UNC79: variants seen among roughly 807,000 people sequenced by gnomAD.
The protein encoded by UNC79 is protein unc-79 homolog.
In UNC79, 37 loss-of-function variants were observed where a neutral mutation model predicts 283.1. The observed-to-expected ratio is 0.13, with a 90% CI of 0.10 to 0.17. The LOEUF (loss-of-function observed/expected upper bound fraction) is 0.17, where lower values mean the gene tolerates loss of function less well. UNC79 is among the 10% of genes least tolerant of loss of function. UNC79 has a pLI of 1.00. For missense variants in UNC79, 2,272 were observed against 3,211.1 expected, an observed-to-expected ratio of 0.71 and a Z score of 7.07; for synonymous variants, 1,107 against 1,200.2, an observed-to-expected ratio of 0.92 and a Z score of 1.61.
intron 12 of UNC79, among the ~76,000 whole-genome samples, chr14:93,539,487 C>G (rs1257374626): frequency 6.6e-6 from 1 of 151,464 alleles, no homozygotes; most frequent in Admixed American, 6.6e-5. Flanking sequence ...CGCCACTGCA[C>G]TCCAGCCTGG....
chr14:93,658,238 T>C (rs1342100888), intron 38 of UNC79, among the ~76,000 whole-genome samples: 1 of 152,214 alleles, frequency 6.6e-6, no homozygotes, highest in Non-Finnish European at 1.5e-5. Context: ...TAGTTTGTTT[T>C]CATCAGTTTA....
intron 1 of UNC79, among the ~76,000 whole-genome samples, chr14:93,444,287 G>T (rs571828043): frequency 1.2e-3 from 185 of 151,968 alleles, no homozygotes; most frequent in Non-Finnish European, 1.8e-3. Context: ...ATTTTTATTG[G>T]TTTTTTTGAT....
chr14:93,581,484 CTTTTTTTT>C (rs569060513), intron 19 of UNC79, among the ~76,000 whole-genome samples: 1 of 100,648 alleles, frequency 9.9e-6, no homozygotes, highest in African/African-American at 4.6e-5. Context: ...GTATTTGCAT[CTTTTTTTT>C]TTTTTTTTTT....
intron 1 of UNC79, among the ~76,000 whole-genome samples, chr14:93,342,418 G>T (rs1029795238): frequency 1.3e-5 from 2 of 152,180 alleles, no homozygotes; most frequent in Non-Finnish European, 2.9e-5. Flanking sequence ...GAGAAACAGG[G>T]TCCTGGGCCC....
intron 14 of UNC79, among the ~76,000 whole-genome samples, chr14:93,566,866 C>T (rs1420205385): frequency 6.6e-6 from 1 of 152,102 alleles, no homozygotes; most frequent in Non-Finnish European, 1.5e-5. Context: ...ATCTGCCCAC[C>T]TTGGCCTCCC....
rs572685192 is a variant in UNC79 at position 93,690,795 on chromosome 14, A to T, written c.7272+492A>T. ...ACATTGGCATGACCTACACAGGGGA[A>T]CTTTGTAAATTGCAGAGACAGGTGA... On this transcript the variant is annotated intron_variant, in intron 45 of 48. Coordinates refer to ENST00000555664, the Ensembl canonical transcript of UNC79. This position sits in a 1 kb window ranked among gnomAD's most constrained non-coding sequence, Gnocchi z 4.3. 1 of 156,536 alleles carries T rather than the reference A, an allele frequency of 6.4e-6. No homozygotes were observed. The highest frequency in any genetic ancestry group is 1.9e-4 in the East Asian group (1 of 5,262). The allele number at this position is 156,536 out of a possible 1,614,324, so 9.7% of individuals were successfully genotyped here. A position where few individuals can be genotyped will look rare whatever the true frequency, so the allele number is the denominator to read the frequency against.
At chr14:93,686,482 C>G in intron 42 of UNC79, 90 bp from the exon 46 acceptor site, 2 of 1,379,928 alleles carry the variant, frequency 1.4e-6, no homozygotes, top group Non-Finnish European at 2.0e-6. Context: ...TAAAACGACT[C>G]CTTAGTAAAC....
In UNC79 at chr14:93,617,072, G is replaced by C; in HGVS notation, c.4042-50G>C. ...GCTCAAATTTTTCCTTTTGACCTCT[G>C]AGTGTTCTTTGTAGTTTTCCATCAG... On this transcript the variant is annotated intron_variant, in intron 27 of 48. Coordinates refer to ENST00000555664, the Ensembl canonical transcript of UNC79. The surrounding 1 kb of genome is among the most constrained non-coding windows in gnomAD (Gnocchi z 4.5). The C allele has an allele frequency of 6.5e-7, 1 of 1,534,610 alleles. No individual in the cohort carries two copies. The highest frequency in any genetic ancestry group is 8.8e-7 in the Non-Finnish European group (1 of 1,133,212).
At chr14:93,663,529 A>G (rs1203632161) in intron 40 of UNC79, among the ~76,000 whole-genome samples, 5 of 152,040 alleles carry the variant, frequency 3.3e-5, no homozygotes, top group Admixed American at 1.3e-4. Flanking sequence ...TAAGCCCTTT[A>G]TTTTCCTCAT....
At chr14:93,357,246 A>G (rs1382646992) in intron 1 of UNC79, among the ~76,000 whole-genome samples, 2 of 152,120 alleles carry the variant, frequency 1.3e-5, no homozygotes, top group African/African-American at 4.8e-5. Context: ...CATGGTGTTT[A>G]TATGCCACAT....
intron 43 of UNC79, among the ~76,000 whole-genome samples, chr14:93,686,989 A>G (rs2074290338): frequency 6.6e-6 from 1 of 152,202 alleles, no homozygotes; most frequent in South Asian, 2.1e-4. Context: ...TGCTCAAGTC[A>G]CACTACTAAG....
At chr14:93,622,446 G>A (rs755878812) in exon 30 of UNC79, 2 of 1,614,158 alleles carry the variant, frequency 1.2e-6, no homozygotes, top group South Asian at 1.1e-5. Context: ...TTCTCCTGCG[G>A]TAGCCCACTG....
At chr14:93,615,986 T>A (rs1329671154) in intron 27 of UNC79, among the ~76,000 whole-genome samples, 3 of 152,240 alleles carry the variant, frequency 2.0e-5, no homozygotes, top group Non-Finnish European at 2.9e-5. Flanking sequence ...GCCACCTTTT[T>A]AAAATTTTTT....
intron 1 of UNC79, among the ~76,000 whole-genome samples, chr14:93,371,071 A>C (rs7153401): frequency 0.71 from 107,401 of 151,990 alleles, 38,431 homozygotes; most frequent in Middle Eastern, 0.78. Context: ...AAAAACCAAA[A>C]CAAAACAAAA....
intron 1 of UNC79, among the ~76,000 whole-genome samples, chr14:93,464,759 C>T (rs2057097568): frequency 6.6e-6 from 1 of 152,096 alleles, no homozygotes; most frequent in Non-Finnish European, 1.5e-5. Flanking sequence ...TTATTCGAGC[C>T]TCCGCAGCAG....
intron 1 of UNC79, among the ~76,000 whole-genome samples, chr14:93,401,360 A>G (rs1383960783): frequency 2.0e-5 from 3 of 152,212 alleles, no homozygotes; most frequent in South Asian, 4.1e-4. Flanking sequence ...GGCAGCATGT[A>G]CATGTTTTGA....
rs2063396451 is a variant in UNC79 at position 93,575,042 on chromosome 14, T to C, written c.2071-16T>C. The C allele has an allele frequency of 6.3e-7, 1 of 1,591,182 alleles. No individual in the cohort carries two copies. Among genetic ancestry groups the C allele is most frequent in the South Asian group, 1.2e-5 (1 of 86,176 alleles). On this transcript the variant is annotated splice_polypyrimidine_tract_variant and intron_variant, in intron 16 of 48. Coordinates refer to ENST00000555664, the Ensembl canonical transcript of UNC79. The stretch of plus-strand genomic sequence containing the variant: ...TTACATGTGTTTTTTGGGGGATATA[T>C]GCCTTTTTTCCCTAGGTATTATCGG...
intron 5 of UNC79, among the ~76,000 whole-genome samples, chr14:93,495,511 A>G (rs554534952): frequency 2.0e-5 from 3 of 152,332 alleles, no homozygotes; most frequent in East Asian, 1.9e-4. Flanking sequence ...AACCATATCA[A>G]TTGGCAAATG....
intron 1 of UNC79, among the ~76,000 whole-genome samples, chr14:93,423,386 A>G (rs1228568649): frequency 2.0e-5 from 3 of 152,200 alleles, no homozygotes; most frequent in African/African-American, 7.2e-5. Flanking sequence ...TGGAACCACA[A>G]AAGACCCAGA....
Sources: allele counts gnomAD v4.1 joint callset (sites outside exome capture counted in the v4.1 genomes callset), GRCh38; gene constraint gnomAD v4.1.1; non-coding constraint Gnocchi (gnomAD v3.1); transcripts MANE v1.5; gene names NCBI Gene and HGNC (gene_info 2026-07-23, HGNC 2026-07-21).